Variants in PRKG1 observed in about 807,000 individuals in gnomAD.
The protein encoded by PRKG1 is cGMP-dependent protein kinase 1.
Under a neutral mutation model 88.1 loss-of-function variants are expected in PRKG1, and 35 were observed. That is an observed-to-expected ratio of 0.40 (90% CI 0.30 to 0.53). The LOEUF (loss-of-function observed/expected upper bound fraction) is 0.53, where lower values mean the gene tolerates loss of function less well. PRKG1 is among the 20% of genes least tolerant of loss of function. The pLI, the probability that PRKG1 is intolerant of heterozygous loss-of-function variation, is 0.59. For synonymous variants in PRKG1, 303 were observed against 292.5 expected (o/e 1.04, Z -0.37); for missense variants, 540 against 839.8 (o/e 0.64, Z 4.41).
intron 2 of PRKG1, among the ~76,000 whole-genome samples, chr10:51,167,641 C>T (rs1278295508): frequency 3.3e-5 from 5 of 152,078 alleles, no homozygotes; most frequent in Non-Finnish European, 7.4e-5. Flanking sequence ...GTGGCTTGTG[C>T]CAAGATGGCA....
chr10:52,055,177 C>T (rs1008376818), intron 6 of PRKG1, among the ~76,000 whole-genome samples: 1 of 152,152 alleles, frequency 6.6e-6, no homozygotes, highest in African/African-American at 2.4e-5. Context: ...TTACAAAATT[C>T]ATCAAGTCAT....
At chr10:51,145,421 A>G (rs2131962040) in intron 1 of PRKG1, among the ~76,000 whole-genome samples, 1 of 150,892 alleles carries the variant, frequency 6.6e-6, no homozygotes, top group Non-Finnish European at 1.5e-5. Context: ...AGTTCTTAAT[A>G]GATCAGGCCA....
At chr10:51,717,087 C>T (rs559282692) in intron 3 of PRKG1, among the ~76,000 whole-genome samples, 107 of 152,242 alleles carry the variant, frequency 7.0e-4, no homozygotes, top group Admixed American at 3.6e-3. Context: ...TGGTGGGCAG[C>T]GGAATTCCAG....
chr10:51,763,506 G>A (rs563224837), intron 3 of PRKG1, among the ~76,000 whole-genome samples: 1 of 151,530 alleles, frequency 6.6e-6, no homozygotes, highest in South Asian at 2.1e-4. Context: ...ACTCACCTGG[G>A]CCTTCCAAAG....
intron 7 of PRKG1, among the ~76,000 whole-genome samples, chr10:52,125,254 G>A (rs535917194): frequency 6.6e-6 from 1 of 151,976 alleles, no homozygotes; most frequent in South Asian, 2.1e-4. Flanking sequence ...TAGAATCATG[G>A]GACTATTGTT....
At chr10:51,607,641 C>T (rs373916032) in intron 3 of PRKG1, among the ~76,000 whole-genome samples, 1 of 152,226 alleles carries the variant, frequency 6.6e-6, no homozygotes, top group Non-Finnish European at 1.5e-5. Flanking sequence ...CTTAGTGGCC[C>T]GAAGCCAGTT....
chr10:51,411,253 G>A (rs900396824), intron 2 of PRKG1, among the ~76,000 whole-genome samples: 7 of 152,054 alleles, frequency 4.6e-5, no homozygotes, highest in African/African-American at 1.7e-4. Flanking sequence ...AGCCTACCTC[G>A]GCCTCCCAAA....
chr10:52,176,829 T>G (rs762531344), intron 9 of PRKG1, among the ~76,000 whole-genome samples: 16 of 152,188 alleles, frequency 1.1e-4, no homozygotes, highest in Non-Finnish European at 1.6e-4. Flanking sequence ...CGTATGTGTA[T>G]AGAAATGTTA....
chr10:51,851,720 A>G (rs972380734), intron 4 of PRKG1, among the ~76,000 whole-genome samples: 1 of 152,230 alleles, frequency 6.6e-6, no homozygotes, highest in African/African-American at 2.4e-5. Context: ...AAATGCTTTG[A>G]CATTTTTCTC....
intron 3 of PRKG1, among the ~76,000 whole-genome samples, chr10:51,584,664 A>G (rs1589107061): frequency 1.3e-5 from 2 of 152,184 alleles, no homozygotes; most frequent in African/African-American, 4.8e-5. Flanking sequence ...TACCTAATAA[A>G]TTTCAGTTAC....
intron 3 of PRKG1, among the ~76,000 whole-genome samples, chr10:51,553,325 CT>C (rs1365233237): frequency 6.6e-6 from 1 of 151,634 alleles, no homozygotes; most frequent in African/African-American, 2.4e-5. Flanking sequence ...ATGAATACTT[CT>C]GGGGCCAGTT....
At position 51,369,863 on chromosome 10, in the gene PRKG1, T is replaced by C. The variant is rs560346556; in HGVS notation, c.479-97860T>C. 2.6e-5 allele frequency among the ~76,000 whole-genome samples: 4 copies of C among 152,234 alleles called. No individual in the cohort carries two copies. The South Asian group carries it at 6.2e-4, about 24-fold the overall frequency. On this transcript the variant is annotated intron_variant, in intron 2 of 17. Coordinates refer to ENST00000373980, the MANE Select transcript of PRKG1 (RefSeq NM_006258.4). ...AAAGAACGCCCATGAAAAATATCCA[T>C]CTACACTAAAGACATTTATGTATAC...
At chr10:51,255,379 C>T (rs1431760072) in intron 2 of PRKG1, among the ~76,000 whole-genome samples, 2 of 152,204 alleles carry the variant, frequency 1.3e-5, no homozygotes, top group East Asian at 3.9e-4. Flanking sequence ...AGTCCAGGCT[C>T]TCTCAAGAAT....
intron 8 of PRKG1, among the ~76,000 whole-genome samples, chr10:52,150,877 A>G (rs972872224): frequency 6.6e-6 from 1 of 152,136 alleles, no homozygotes; most frequent in Non-Finnish European, 1.5e-5. Flanking sequence ...GTTTTTAAAT[A>G]GTCAGTTACT....
chr10:51,011,383 T>C (rs2339684), intron 1 of PRKG1, among the ~76,000 whole-genome samples: 148,225 of 152,162 alleles, frequency 0.97, 72,229 homozygotes, highest in East Asian at 1. Flanking sequence ...CACCTCTTGT[T>C]CCATGGTGGG....
At position 52,254,508 on chromosome 10, in the gene PRKG1, G is replaced by A. The variant is rs552631526; in HGVS notation, c.1173+2842G>A. Among the ~76,000 whole-genome samples the A allele has an allele frequency of 1.8e-4, 27 of 151,876 alleles. No individual in the cohort carries two copies. In the South Asian group the frequency reaches 2.1e-3, roughly 12 times the overall value. On this transcript the variant is annotated intron_variant, in intron 10 of 17. Transcript: ENST00000373980. ...AAATAGTATTTTAAAAAATTTCCCAGAAATAAGATTATAAAATTATAAACC... is the reference window on the plus strand; with the variant it reads ...AAATAGTATTTTAAAAAATTTCCCAAAAATAAGATTATAAAATTATAAACC...
At chr10:51,001,242 T>G (rs773868621) in intron 1 of PRKG1, among the ~76,000 whole-genome samples, 173 of 152,200 alleles carry the variant, frequency 1.1e-3, no homozygotes, top group Non-Finnish European at 2.1e-3. Flanking sequence ...GAGCTCTCAC[T>G]TCCCGTACTG....
At chr10:51,850,656 C>T (rs964166322) in intron 4 of PRKG1, among the ~76,000 whole-genome samples, 1 of 152,026 alleles carries the variant, frequency 6.6e-6, no homozygotes, top group Non-Finnish European at 1.5e-5. Context: ...AGAAAACATA[C>T]CTACAGCCTA....
At chr10:51,800,260 A>G (rs928396272) in intron 3 of PRKG1, among the ~76,000 whole-genome samples, 8 of 152,114 alleles carry the variant, frequency 5.3e-5, no homozygotes, top group African/African-American at 1.4e-4. Context: ...TTGGAGCTCC[A>G]TAGATGCCAG....
Sources: gnomAD v4.1 joint callset for allele counts (sites outside exome capture counted in the v4.1 genomes callset) on GRCh38, gnomAD v4.1.1 for gene constraint, MANE v1.5 for transcripts, NCBI Gene and HGNC (gene_info 2026-07-23, HGNC 2026-07-21) for gene names.